RYR3: variants seen among roughly 807,000 people sequenced by gnomAD.
RYR3 encodes the protein brain ryanodine receptor-calcium release channel.
RYR3 carries 207 observed loss-of-function variants against 584.3 expected under a neutral mutation model. The observed-to-expected ratio is 0.35, with a 90% CI of 0.32 to 0.40. The LOEUF (loss-of-function observed/expected upper bound fraction) is 0.40, where lower values mean the gene tolerates loss of function less well. RYR3 is among the 10% of genes least tolerant of loss of function. The probability of loss-of-function intolerance (pLI) is 1.00; values close to 1 mark genes in which losing one functional copy is unlikely to be tolerated. For missense variants in RYR3, 5,616 were observed against 6,089.2 expected (o/e 0.92, Z 2.59); for synonymous variants, 2,416 against 2,248.5 (o/e 1.07, Z -2.11).
intron 1 of RYR3, among the ~76,000 whole-genome samples, chr15:33,371,944 T>G (rs2040363454): frequency 6.6e-6 from 1 of 152,226 alleles, no homozygotes; most frequent in Non-Finnish European, 1.5e-5. Flanking sequence ...ATCTGGCATT[T>G]CAGCCAAGAT....
intron 1 of RYR3, among the ~76,000 whole-genome samples, chr15:33,388,537 A>G (rs895267731): frequency 6.6e-6 from 1 of 152,194 alleles, no homozygotes; most frequent in Non-Finnish European, 1.5e-5. Context: ...TTCCTAGATC[A>G]TATAAGGAAG....
In RYR3 at chr15:33,646,434, C is replaced by G. The variant is rs753357383; in HGVS notation, c.3849C>G (p.Ala1283=). The stretch of plus-strand genomic sequence containing the variant: ...CATTTGGCACACAGAATAGCAATGC[C>G]GACATGATCTATTGCCGCTTGAGCA... The part of the protein sequence containing the change: ...HKTFGTQNSN[A]DMIYCRLSMP... Residue 1283 remains alanine (A), a synonymous_variant, in exon 29 of 104, where the codon GCC becomes GCG. Coordinates refer to ENST00000634891, the MANE Select transcript of RYR3 (RefSeq NM_001036.6). The G allele has an allele frequency of 1.9e-6, 3 of 1,613,896 alleles. No homozygotes were observed. The highest frequency in any genetic ancestry group is 2.5e-6 in the Non-Finnish European group (3 of 1,179,824).
rs750201337 is a variant in RYR3, at chr15:33,837,871, C to T, written c.11891C>T (p.Ser3964Leu). 102 of 1,613,842 alleles carry T rather than the reference C, an allele frequency of 6.3e-5. No individual in the cohort carries two copies. Among genetic ancestry groups the T allele is most frequent in the Middle Eastern group, 1.6e-4 (1 of 6,084 alleles). ...YTQSEIDFLLSCAEADENDMF... is the reference protein window; with the variant it reads ...YTQSEIDFLLLCAEADENDMF... ...CAGTCAGAGATTGACTTTCTCCTGT[C>T]GTGTGCAGAAGCTGATGAGAATGAC... Residue 3964 changes from serine to leucine, a missense_variant, in exon 89 of 104, where the codon TCG (serine) becomes TTG (leucine). This residue lies in a region of RYR3 where 258 missense variants were observed against 297.3 expected (regional missense o/e 0.87). Transcript: ENST00000634891.
At chr15:33,858,560 G>A (rs1302033105) in intron 99 of RYR3, 1 of 38,086 alleles carries the variant, frequency 2.6e-5, no homozygotes, top group African/African-American at 4.2e-5. Context: ...TGGAAGTTGA[G>A]CTTTGATCAT....
chr15:33,835,889 C>T (rs146958937), intron 87 of RYR3, among the ~76,000 whole-genome samples: 1 of 152,274 alleles, frequency 6.6e-6, no homozygotes, highest in African/African-American at 2.4e-5. Flanking sequence ...GCCCTGCCAC[C>T]TCCTCACCAG....
At chr15:33,742,480 G>A in intron 52 of RYR3, 36 bp downstream of exon 52, 1 of 1,401,670 alleles carries the variant, frequency 7.1e-7, no homozygotes, top group Non-Finnish European at 1.0e-6. Context: ...TCGTCAGGAA[G>A]GAAAAACAGC....
chr15:33,325,995 T>C (rs1183211724), intron 1 of RYR3, among the ~76,000 whole-genome samples: 1 of 151,930 alleles, frequency 6.6e-6, no homozygotes, highest in East Asian at 1.9e-4. Context: ...AGAGATGGGG[T>C]TTTGCCATTT....
At chr15:33,419,253 G>A (rs1596053407) in intron 1 of RYR3, among the ~76,000 whole-genome samples, 2 of 152,176 alleles carry the variant, frequency 1.3e-5, no homozygotes, top group Non-Finnish European at 2.9e-5. Context: ...TGAGATTGCT[G>A]AAACCCTCAG....
intron 52 of RYR3, among the ~76,000 whole-genome samples, chr15:33,744,151 C>T (rs1217872748): frequency 1.3e-5 from 2 of 152,184 alleles, no homozygotes; most frequent in African/African-American, 2.4e-5. Flanking sequence ...ACAGCGTTCA[C>T]CAACTCATCC....
intron 2 of RYR3, among the ~76,000 whole-genome samples, chr15:33,477,402 G>A (rs1314396647): frequency 1.7e-4 from 26 of 152,170 alleles, no homozygotes. Flanking sequence ...ACTTGCTATA[G>A]ACATGAAGAG....
chr15:33,672,376 G>C (rs1407942568), intron 38 of RYR3, among the ~76,000 whole-genome samples: 2 of 152,192 alleles, frequency 1.3e-5, no homozygotes, highest in South Asian at 4.1e-4. Context: ...GGCCAGCCCT[G>C]TATGAGACTG....
At chr15:33,840,582 T>A (rs1161980927) in intron 89 of RYR3, 3 of 557,088 alleles carry the variant, frequency 5.4e-6, no homozygotes, top group Non-Finnish European at 9.5e-6. Flanking sequence ...ACAAGTTTCC[T>A]CTTTGAATTG....
chr15:33,477,877 G>GAAAAAA (rs58200056), intron 2 of RYR3, among the ~76,000 whole-genome samples: 20 of 62,604 alleles, frequency 3.2e-4, no homozygotes, highest in Non-Finnish European at 3.8e-4. Flanking sequence ...TCTGTCTCAA[G>GAAAAAA]AAAAAAAAAA....
chr15:33,800,913 GAA>G, intron 68 of RYR3, 56 bp downstream of exon 68: 1 of 1,237,046 alleles, frequency 8.1e-7, no homozygotes, highest in Non-Finnish European at 1.2e-6. Flanking sequence ...GCAGACCGTG[GAA>G]AACTGTTGAT....
chr15:33,707,008 A>C lies in RYR3; in HGVS notation c.6573A>C (p.Glu2191Asp). ...CTGATGTCGGCTGGAACCCCATTGA[A>C]GGGGAACGCTACCTGTCCTTCCTGA... ...GYPDVGWNPI[E>D]GERYLSFLRF... is the part of the protein sequence containing the mutation. Residue 2191 changes from glutamate (E) to aspartate (D), a missense_variant, in exon 43 of 104, where the codon GAA (glutamate) becomes GAC (aspartate). By Grantham distance (45) the Glu-to-Asp change is conservative. Coordinates refer to ENST00000634891, the MANE Select transcript of RYR3 (RefSeq NM_001036.6). The C allele has an allele frequency of 6.2e-7, 1 of 1,614,028 alleles. No homozygotes were observed.
intron 60 of RYR3, among the ~76,000 whole-genome samples, chr15:33,761,984 A>G (rs761293347): frequency 3.8e-4 from 58 of 152,230 alleles, no homozygotes; most frequent in Non-Finnish European, 8.2e-4. Context: ...AATCCATCAC[A>G]TAAACAGAAC....
chr15:33,796,413 C>T (rs535120969), intron 67 of RYR3, among the ~76,000 whole-genome samples: 1 of 152,244 alleles, frequency 6.6e-6, no homozygotes, highest in South Asian at 2.1e-4. Context: ...GGATTACAGG[C>T]GTGAGCCACC....
chr15:33,445,664 A>AACACATACAC (rs2046584266), intron 1 of RYR3, among the ~76,000 whole-genome samples: 1 of 106,006 alleles, frequency 9.4e-6, no homozygotes, highest in Non-Finnish European at 1.9e-5. Flanking sequence ...TTCCCCCACC[A>AACACATACAC]ACACACACAC....
At chr15:33,553,351 T>A (rs558956184) in intron 10 of RYR3, among the ~76,000 whole-genome samples, 2 of 152,164 alleles carry the variant, frequency 1.3e-5, no homozygotes, top group African/African-American at 2.4e-5. Context: ...GTGACAGTTA[T>A]GACTACTAAA....
Sources: gnomAD v4.1 joint callset for allele counts (sites outside exome capture counted in the v4.1 genomes callset) on GRCh38, gnomAD v4.1.1 for gene constraint, gnomAD v4.1.1 regional missense constraint, MANE v1.5 for transcripts, NCBI Gene and HGNC (gene_info 2026-07-23, HGNC 2026-07-21) for gene names.